The following RNF44 variants were observed in gnomAD, a reference collection of about 807,000 sequenced individuals.
RNF44 encodes ring finger protein 44.
A neutral mutation model predicts 53.6 loss-of-function variants in RNF44; 25 were observed. The ratio of observed to expected loss-of-function variants is 0.47; its 90% CI spans 0.34 to 0.65. The LOEUF (loss-of-function observed/expected upper bound fraction) is 0.65. Among genes scored for constraint, RNF44 ranks in the 30% least tolerant of loss-of-function variants. The pLI is 0.01. For missense variants in RNF44, 581 were observed against 595.5 expected, an observed-to-expected ratio of 0.98 and a Z score of 0.25; for synonymous variants, 282 against 252.2, an observed-to-expected ratio of 1.12 and a Z score of -1.12.
intron 1 of RNF44, among the ~76,000 whole-genome samples, chr5:176,535,726 C>T (rs576706482): frequency 6.6e-6 from 1 of 152,230 alleles, no homozygotes; most frequent in African/African-American, 2.4e-5. Flanking sequence ...CTCTGTAGTA[C>T]AGAGAAGCAA....
intron 10 of RNF44, 77 bp from the exon 11 acceptor site, chr5:176,529,167 TG>T (rs779125829): frequency 1.9e-6 from 3 of 1,582,006 alleles, no homozygotes; most frequent in Non-Finnish European, 2.6e-6. Context: ...TGGGGGGACT[TG>T]GTCCGCTGGA....
At chr5:176,536,677 AG>A (rs1304546721) in intron 1 of RNF44, among the ~76,000 whole-genome samples, 1 of 148,740 alleles carries the variant, frequency 6.7e-6, no homozygotes, top group Non-Finnish European at 1.5e-5. Context: ...GCAACAACAA[AG>A]GAAGTGGCGG....
At chr5:176,532,642 C>T in intron 1 of RNF44, 126 bp from the exon 2 acceptor site, 1 of 718,166 alleles carries the variant, frequency 1.4e-6, no homozygotes, top group Non-Finnish European at 2.1e-6. Flanking sequence ...ACTTGGGAGG[C>T]TGAGGCATGA....
intron 9 of RNF44, 30 bp from the exon 10 acceptor site, chr5:176,529,417 C>T (rs772191864): frequency 2.7e-5 from 43 of 1,604,444 alleles, no homozygotes; most frequent in Admixed American, 1.3e-4. Context: ...GTCACCTCCA[C>T]GCTGAGGGCC....
At chr5:176,536,038 G>A (rs922379767) in intron 1 of RNF44, 35 of 152,268 alleles carry the variant, frequency 2.3e-4, no homozygotes, top group African/African-American at 8.0e-4. Flanking sequence ...TTTGCAGGAA[G>A]AGACACTCCC....
Position 176,530,513 on chromosome 5 carries a change from G to C in RNF44, c.801+69C>G, listed in dbSNP as rs538169822. ...CTCCCAGCTGCCTGGGAGCCCAGAT[G>C]CAGGTCGGCCCAGCGGGTCTGCCTC... On this transcript the variant is annotated intron_variant, in intron 6 of 10. Transcript: ENST00000274811. 1.5e-5 allele frequency: 20 copies of C among 1,347,572 alleles called. No individual in the cohort carries two copies. The South Asian group carries it at 3.3e-4, about 22-fold the overall frequency. The allele number at this position is 1,347,572 out of a possible 1,614,324, so 83.5% of individuals were successfully genotyped here. A position where few individuals can be genotyped will look rare whatever the true frequency, so the allele number is the denominator to read the frequency against.
At position 176,528,929 on chromosome 5, in the gene RNF44, G is replaced by A; in HGVS notation, c.*99C>T. On this transcript the variant is annotated 3_prime_UTR_variant, in exon 11 of 11. Coordinates refer to ENST00000274811, the MANE Select transcript of RNF44 (RefSeq NM_014901.5). ...TCTGGAAATGCAGGCAGGAGCGAAG[G>A]GGCAGGCCTGGGCCACTCCCTCCCC... The A allele has an allele frequency of 6.1e-6, 7 of 1,151,768 alleles. No individual in the cohort carries two copies. Among genetic ancestry groups the A allele is most frequent in the Non-Finnish European group, 8.7e-6 (7 of 804,106 alleles). 71.3% of individuals were successfully genotyped at this position (1,151,768 alleles called of 1,614,324 possible). A position where few individuals can be genotyped will look rare whatever the true frequency, so the allele number is the denominator to read the frequency against.
In RNF44 at chr5:176,531,402, GC is replaced by G; in HGVS notation, c.465+60del. 6 of 1,495,044 alleles carry G rather than the reference GC, an allele frequency of 4.0e-6. No individual in the cohort carries two copies. Among genetic ancestry groups the G allele is most frequent in the Non-Finnish European group, 5.4e-6 (6 of 1,114,530 alleles). 92.6% of individuals were successfully genotyped at this position (1,495,044 alleles called of 1,614,324 possible). A position where few individuals can be genotyped will look rare whatever the true frequency, so the allele number is the denominator to read the frequency against. On this transcript the variant is annotated intron_variant, in intron 4 of 10. Coordinates refer to ENST00000274811, the MANE Select transcript of RNF44 (RefSeq NM_014901.5). This position sits in a 1 kb window ranked among gnomAD's most constrained non-coding sequence, Gnocchi z 4.2. ...TTCAGGGCTGCCCTGGGCCCGCTGA[GC>G]CGCTGGCCTGTGCCTGGGGCTTGCA...
At position 176,530,384 on chromosome 5, in the gene RNF44, G is replaced by A. The variant is rs1039183848; in HGVS notation, c.802-178C>T. The stretch of plus-strand genomic sequence containing the variant: ...GAGCCCACGTGCAAGTCAGCCCGGT[G>A]GGCCTGCCTCCCAGCCGCCCCGGAG... On this transcript the variant is annotated intron_variant, in intron 6 of 10. Transcript: ENST00000274811. 2.2e-3 allele frequency among the ~76,000 whole-genome samples: 200 copies of A among 89,066 alleles called. 7 individuals carry two copies. The highest frequency in any genetic ancestry group is 6.0e-3 in the Middle Eastern group (1 of 168). The allele number at this position is 89,066 out of a possible 152,430, so 58.4% of individuals were successfully genotyped here.
chr5:176,529,504 G>A lies in RNF44; in HGVS notation c.1136+19C>T, dbSNP rs1756356780. ...GCCAGCTGTGTTCAGAGGGGTGGGA[G>A]GTGGGGCAGGGTACTCACAGCGTCT... is the stretch of plus-strand genomic sequence containing the variant. On this transcript the variant is annotated intron_variant, in intron 9 of 10. Transcript: ENST00000274811. 7 of 1,613,656 alleles carry A rather than the reference G, an allele frequency of 4.3e-6. No homozygotes were observed. Among genetic ancestry groups the A allele is most frequent in the South Asian group, 2.2e-5 (2 of 91,084 alleles).
At position 176,526,918 on chromosome 5, in the gene RNF44, C is replaced by T. The variant is rs1020818807; in HGVS notation, c.*2110G>A. 2.0e-5 allele frequency: 3 copies of T among 152,158 alleles called. No individual in the cohort carries two copies. The highest frequency in any genetic ancestry group is 6.6e-5 in the Admixed American group (1 of 15,230). 9.4% of individuals were successfully genotyped at this position (152,158 alleles called of 1,614,324 possible). A position where few individuals can be genotyped will look rare whatever the true frequency, so the allele number is the denominator to read the frequency against. Reference sequence around the variant, plus strand: ...TAAATGCTACAAACCAATGTGAATCCCATGGAATGGAAAAAACCACACATT... The same window carrying T: ...TAAATGCTACAAACCAATGTGAATCTCATGGAATGGAAAAAACCACACATT... On this transcript the variant is annotated 3_prime_UTR_variant, in exon 11 of 11. Coordinates refer to ENST00000274811, the MANE Select transcript of RNF44 (RefSeq NM_014901.5).
In RNF44 at chr5:176,537,021, G is replaced by C. The variant is rs1371211891; in HGVS notation, c.-126C>G. 2.0e-5 allele frequency: 3 copies of C among 151,252 alleles called. No individual in the cohort carries two copies. The highest frequency in any genetic ancestry group is 4.4e-5 in the Non-Finnish European group (3 of 67,846). 9.4% of individuals were successfully genotyped at this position (151,252 alleles called of 1,614,324 possible). A position where few individuals can be genotyped will look rare whatever the true frequency, so the allele number is the denominator to read the frequency against. On this transcript the variant is annotated 5_prime_UTR_variant, in exon 1 of 11. Coordinates refer to ENST00000274811, the MANE Select transcript of RNF44 (RefSeq NM_014901.5). Reference sequence around the variant, plus strand: ...TGGGCAGGGGGCGGGGGAGGGGGGGGGTGCCTGTCTGGATCCTTTAAGAGC... The same window carrying C: ...TGGGCAGGGGGCGGGGGAGGGGGGGCGTGCCTGTCTGGATCCTTTAAGAGC...
At chr5:176,541,669 G>GCC (rs1401502682), upstream of RNF44, among the ~76,000 whole-genome samples, 6 of 152,170 alleles carry the variant, frequency 3.9e-5, no homozygotes, top group South Asian at 6.2e-4. Context: ...TCCTGCTGGG[G>GCC]CCCTGCCCGA....
chr5:176,539,759 T>C (rs1322183687), upstream of RNF44, among the ~76,000 whole-genome samples: 3 of 151,946 alleles, frequency 2.0e-5, no homozygotes, highest in Non-Finnish European at 2.9e-5. Flanking sequence ...CCTGTCCTTA[T>C]GGATAGGGCC....
At chr5:176,540,605 C>T (rs1189868519), upstream of RNF44, among the ~76,000 whole-genome samples, 2 of 152,198 alleles carry the variant, frequency 1.3e-5, no homozygotes, top group Admixed American at 6.5e-5. Flanking sequence ...TGACTGCTGC[C>T]CCTGCTCCCA....
rs951280378 is a variant in RNF44 at position 176,530,949 on chromosome 5, G to C, written c.538C>G (p.His180Asp). The change falls in exon 5 of 11, where the codon CAC becomes GAC. Residue 180 changes from histidine to aspartate, a missense_variant. Coordinates refer to ENST00000274811, the MANE Select transcript of RNF44 (RefSeq NM_014901.5). The stretch of plus-strand genomic sequence containing the variant: ...GGTGGTGGGGGGTGCAGGATGTAGT[G>C]GTCACTGGAGATGAGGTGGGGGTAG... Reference protein sequence around the residue: ...QAYPHLISSDHYILHPPPPAP... With the variant: ...QAYPHLISSDDYILHPPPPAP... The C allele has an allele frequency of 6.9e-7, 1 of 1,457,652 alleles. No individual in the cohort carries two copies. The highest frequency in any genetic ancestry group is 2.6e-5 in the East Asian group (1 of 38,112). The allele number at this position is 1,457,652 out of a possible 1,614,324, so 90.3% of individuals were successfully genotyped here.
At chr5:176,530,561 G>C (rs1448649560) in intron 6 of RNF44, 21 bp downstream of exon 6, 1 of 1,411,158 alleles carries the variant, frequency 7.1e-7, no homozygotes, top group East Asian at 3.1e-5. Flanking sequence ...GAGCCCAGGT[G>C]GGGGTCGGGG....
chr5:176,531,419 G>A lies in RNF44; in HGVS notation c.465+44C>T, dbSNP rs755088921. 7 of 1,527,274 alleles carry A rather than the reference G, an allele frequency of 4.6e-6. No homozygotes were observed. The highest frequency in any genetic ancestry group is 2.5e-5 in the South Asian group (2 of 81,530). 94.6% of individuals were successfully genotyped at this position (1,527,274 alleles called of 1,614,324 possible). A position where few individuals can be genotyped will look rare whatever the true frequency, so the allele number is the denominator to read the frequency against. ...CCCGCTGAGCCGCTGGCCTGTGCCT[G>A]GGGCTTGCAGCTGGTGGAGGAGGAG... On this transcript the variant is annotated intron_variant, in intron 4 of 10. Coordinates refer to ENST00000274811, the MANE Select transcript of RNF44 (RefSeq NM_014901.5). The surrounding 1 kb of genome is among the most constrained non-coding windows in gnomAD (Gnocchi z 4.2).
At chr5:176,536,160 C>T (rs1433912831) in intron 1 of RNF44, 1 of 152,312 alleles carries the variant, frequency 6.6e-6, no homozygotes, top group Admixed American at 6.5e-5. Flanking sequence ...AGGCTCTGCC[C>T]AGCGCAAGCA....
Sources: allele counts gnomAD v4.1 joint callset (sites outside exome capture counted in the v4.1 genomes callset), GRCh38; gene constraint gnomAD v4.1.1; non-coding constraint Gnocchi (gnomAD v3.1); transcripts MANE v1.5; gene names NCBI Gene and HGNC (gene_info 2026-07-23, HGNC 2026-07-21).